Variants in CNTN5 observed in about 807,000 individuals in gnomAD.
The protein encoded by CNTN5 is contactin 5.
Under a neutral mutation model 129.1 loss-of-function variants are expected in CNTN5, and 77 were observed. That is an observed-to-expected ratio of 0.60 (90% CI 0.50 to 0.72). The LOEUF is 0.72. CNTN5 is among the 30% of genes least tolerant of loss of function. The probability of loss-of-function intolerance (pLI) is 0.00; values close to 1 mark genes in which losing one functional copy is unlikely to be tolerated. For synonymous variants in CNTN5, 509 were observed against 465.6 expected, an observed-to-expected ratio of 1.09 and a Z score of -1.20; for missense variants, 1,478 against 1,328.8, an observed-to-expected ratio of 1.11 and a Z score of -1.75.
chr11:100,160,271 T>C (rs1255358308), intron 13 of CNTN5, among the ~76,000 whole-genome samples: 2 of 151,986 alleles, frequency 1.3e-5, no homozygotes, highest in Non-Finnish European at 2.9e-5. Context: ...TATGGCTGCA[T>C]AGTATTCCAT....
At chr11:99,052,043 G>A (rs1457091924) in intron 1 of CNTN5, among the ~76,000 whole-genome samples, 1 of 151,832 alleles carries the variant, frequency 6.6e-6, no homozygotes, top group Non-Finnish European at 1.5e-5. Context: ...CACAGAATTT[G>A]GCAAGAGTAG....
At chr11:99,221,152 C>G (rs1471326) in intron 1 of CNTN5, among the ~76,000 whole-genome samples, 104,320 of 151,690 alleles carry the variant, frequency 0.69, 36,232 homozygotes, top group East Asian at 0.93. Context: ...CTCCCTGTCA[C>G]TGTAAGTCTA....
At chr11:99,707,120 G>T (rs528402396) in intron 3 of CNTN5, among the ~76,000 whole-genome samples, 2 of 151,360 alleles carry the variant, frequency 1.3e-5, no homozygotes, top group African/African-American at 4.8e-5. Flanking sequence ...CTGAAATACT[G>T]CTCTGTCAGA....
At chr11:99,493,880 CT>C (rs1289203306) in intron 2 of CNTN5, among the ~76,000 whole-genome samples, 2 of 144,050 alleles carry the variant, frequency 1.4e-5, no homozygotes, top group Non-Finnish European at 1.6e-5. Flanking sequence ...CCAAGATTTA[CT>C]AAAGGTAGTA....
chr11:99,608,170 A>G (rs1054373360), intron 3 of CNTN5, among the ~76,000 whole-genome samples: 2 of 150,674 alleles, frequency 1.3e-5, no homozygotes, highest in South Asian at 2.1e-4. Flanking sequence ...TTAAACTACT[A>G]TATTATCTGC....
At chr11:99,799,347 C>A (rs868142454) in intron 3 of CNTN5, among the ~76,000 whole-genome samples, 1 of 151,706 alleles carries the variant, frequency 6.6e-6, no homozygotes, top group African/African-American at 2.4e-5. Context: ...GGGAATGCTT[C>A]TAGTTTTTGG....
At chr11:99,184,269 G>A (rs375050311) in intron 1 of CNTN5, among the ~76,000 whole-genome samples, 1 of 151,918 alleles carries the variant, frequency 6.6e-6, no homozygotes, top group East Asian at 1.9e-4. Context: ...CATACCTTTT[G>A]CTCATTATAC....
At chr11:100,313,286 T>C (rs76247085) in intron 21 of CNTN5, among the ~76,000 whole-genome samples, 4,293 of 151,920 alleles carry the variant, frequency 0.028, 74 homozygotes, top group Middle Eastern at 0.048. Flanking sequence ...AAGCAAGAAA[T>C]GATGGTGACC....
intron 1 of CNTN5, among the ~76,000 whole-genome samples, chr11:99,053,110 T>TAG (rs1480091753): frequency 3.9e-5 from 6 of 151,924 alleles, no homozygotes; most frequent in Admixed American, 2.6e-4. Context: ...TCTATTTGTG[T>TAG]GACAAAAAGT....
At chr11:100,151,956 C>A (rs1947075253) in intron 13 of CNTN5, among the ~76,000 whole-genome samples, 1 of 152,162 alleles carries the variant, frequency 6.6e-6, no homozygotes, top group African/African-American at 2.4e-5. Flanking sequence ...ATCTTTCAGA[C>A]AGAATTCTCT....
At chr11:99,649,900 T>C (rs963675911) in intron 3 of CNTN5, among the ~76,000 whole-genome samples, 107 of 151,868 alleles carry the variant, frequency 7.0e-4, no homozygotes, top group African/African-American at 2.5e-3. Context: ...TTTTTATAAA[T>C]GAGTCTTTAC....
At chr11:100,242,906 A>G (rs1044357995) in intron 16 of CNTN5, among the ~76,000 whole-genome samples, 4 of 152,246 alleles carry the variant, frequency 2.6e-5, no homozygotes, top group Admixed American at 6.5e-5. Context: ...AACAATAATC[A>G]TAGGCATTTA....
intron 2 of CNTN5, among the ~76,000 whole-genome samples, chr11:99,337,280 G>A (rs763879076): frequency 6.6e-5 from 10 of 152,058 alleles, no homozygotes; most frequent in Admixed American, 2.0e-4. Context: ...ACCCAGCAGC[G>A]CTAGAGGAAT....
intron 2 of CNTN5, among the ~76,000 whole-genome samples, chr11:99,439,721 A>AAAAAAAG (rs1565583472): frequency 1.4e-5 from 2 of 145,652 alleles, no homozygotes; most frequent in Non-Finnish European, 1.5e-5. Context: ...AAAAAAAAAA[A>AAAAAAAG]AAAAGAAAAA....
In CNTN5 at chr11:99,958,752, C is replaced by T. The variant is rs76170202; in HGVS notation, c.877+1743C>T. Among the ~76,000 whole-genome samples, 1,126 of 152,258 alleles carry T rather than the reference C, an allele frequency of 7.4e-3. 14 individuals carry two copies. Among genetic ancestry groups the T allele is most frequent in the African/African-American group, 0.026 (1,089 of 41,558 alleles). On this transcript the variant is annotated intron_variant, in intron 8 of 24. Transcript: ENST00000524871. ...CCAAAACTTCTGAGCCCCTTTCTCC[C>T]TGATTTCTTAAGACGTTATTGCATT...
At chr11:99,906,441 G>T (rs373974076) in intron 6 of CNTN5, among the ~76,000 whole-genome samples, 7 of 152,232 alleles carry the variant, frequency 4.6e-5, no homozygotes, top group South Asian at 2.1e-4. Flanking sequence ...GATGGATTAT[G>T]TTTATTGATT....
At chr11:99,039,343 G>A (rs1863889504) in intron 1 of CNTN5, among the ~76,000 whole-genome samples, 1 of 152,052 alleles carries the variant, frequency 6.6e-6, no homozygotes, top group African/African-American at 2.4e-5. Context: ...ATCTTGAGAT[G>A]CCATTCTTCA....
chr11:99,821,931 A>C (rs1250828534), intron 4 of CNTN5, among the ~76,000 whole-genome samples: 1 of 152,212 alleles, frequency 6.6e-6, no homozygotes, highest in African/African-American at 2.4e-5. Context: ...GGATAATCTG[A>C]GTATTTTCCA....
intron 3 of CNTN5, among the ~76,000 whole-genome samples, chr11:99,565,221 C>T (rs1472762940): frequency 7.9e-5 from 12 of 152,096 alleles, no homozygotes; most frequent in African/African-American, 2.7e-4. Flanking sequence ...TCCACCTTTC[C>T]CTTGTTTCTC....
Sources: gnomAD v4.1 joint callset for allele counts (sites outside exome capture counted in the v4.1 genomes callset) on GRCh38, gnomAD v4.1.1 for gene constraint, MANE v1.5 for transcripts, NCBI Gene and HGNC (gene_info 2026-07-23, HGNC 2026-07-21) for gene names.